The following COL8A1 variants were observed in gnomAD, a reference collection of about 807,000 sequenced individuals.
COL8A1 encodes collagen type VIII alpha 1 chain.
A neutral mutation model predicts 42.7 loss-of-function variants in COL8A1; 21 were observed. That is an observed-to-expected ratio of 0.49 (90% CI 0.35 to 0.71). COL8A1 has a LOEUF of 0.71. Ranked by LOEUF, COL8A1 falls within the 30% of genes least tolerant of loss-of-function variation. The pLI, the probability that COL8A1 is intolerant of heterozygous loss-of-function variation, is 0.01. For missense variants in COL8A1, 788 were observed against 962.4 expected, an observed-to-expected ratio of 0.82 and a Z score of 2.40; for synonymous variants, 367 against 369.1, an observed-to-expected ratio of 0.99 and a Z score of 0.06.
At chr3:99,731,520 T>C (rs932264350) in intron 1 of COL8A1, among the ~76,000 whole-genome samples, 1 of 152,108 alleles carries the variant, frequency 6.6e-6, no homozygotes, top group Non-Finnish European at 1.5e-5. Flanking sequence ...TTTAGATTCA[T>C]TCTCAGTGCC....
chr3:99,645,464 T>A (rs1937624288), intron 1 of COL8A1, among the ~76,000 whole-genome samples: 1 of 152,160 alleles, frequency 6.6e-6, no homozygotes. Flanking sequence ...AGGACATGTC[T>A]AGTCCCTTTT....
rs62283505 is a variant in COL8A1, at chr3:99,795,785, G to A, written c.1884G>A (p.Pro628=). 5 of 1,613,922 alleles carry A rather than the reference G, an allele frequency of 3.1e-6. No individual in the cohort carries two copies. The highest frequency in any genetic ancestry group is 1.3e-5 in the African/African-American group (1 of 74,868). ...FTAELTAPFP[P]VGAPVKFNKL... ...CCGAGCTAACCGCACCTTTCCCACC[G>A]GTGGGGGCCCCAGTGAAGTTTAACA... The change falls in exon 4 of 4, where the codon CCG becomes CCA. Residue 628 remains proline (P), a synonymous_variant. Transcript: ENST00000652472.
chr3:99,761,623 C>T (rs527802675), intron 2 of COL8A1, among the ~76,000 whole-genome samples: 2 of 152,214 alleles, frequency 1.3e-5, no homozygotes, highest in African/African-American at 4.8e-5. Flanking sequence ...AGGAATGCTA[C>T]CTCGCCAAGC....
At chr3:99,713,604 T>G (rs1451779105) in intron 1 of COL8A1, among the ~76,000 whole-genome samples, 2 of 152,100 alleles carry the variant, frequency 1.3e-5, no homozygotes, top group Admixed American at 1.3e-4. Context: ...TAAAGCATTC[T>G]TTCAACCGTT....
rs527983855 is a variant in COL8A1 at position 99,674,430 on chromosome 3, A to G, written c.-129+35766A>G. On this transcript the variant is annotated intron_variant, in intron 1 of 3. Transcript: ENST00000652472. ...TTAATATACCTTTGAGATAAAGTGT[A>G]TTGTCTCCTTTTTTAAAAAAAAAAA... Among the ~76,000 whole-genome samples, 5 of 151,014 alleles carry G rather than the reference A, an allele frequency of 3.3e-5. No homozygotes were observed. In the South Asian group the frequency reaches 8.3e-4, roughly 25 times the overall value.
chr3:99,734,661 A>C (rs2107390225), intron 1 of COL8A1, among the ~76,000 whole-genome samples: 1 of 152,036 alleles, frequency 6.6e-6, no homozygotes, highest in East Asian at 1.9e-4. Flanking sequence ...ATGAACTTTA[A>C]AGTAGTTTTT....
rs529021891 is a variant in COL8A1, at chr3:99,681,253, T to C, written c.-129+42589T>C. The stretch of plus-strand genomic sequence containing the variant: ...ACAATCTATCCATCTGACAAAGGGC[T>C]AATATCCAGAATCTGCAAAGAACTT... On this transcript the variant is annotated intron_variant, in intron 1 of 3. Transcript: ENST00000652472. Among the ~76,000 whole-genome samples the C allele has an allele frequency of 2.0e-5, 3 of 152,292 alleles. No individual in the cohort carries two copies. The South Asian group carries it at 6.2e-4, about 32-fold the overall frequency.
At chr3:99,788,976 T>C (rs1361656559) in intron 2 of COL8A1, among the ~76,000 whole-genome samples, 2 of 152,192 alleles carry the variant, frequency 1.3e-5, no homozygotes, top group Non-Finnish European at 2.9e-5. Flanking sequence ...TACAAACTCC[T>C]TGATGGTAAG....
intron 3 of COL8A1, among the ~76,000 whole-genome samples, chr3:99,792,200 T>C (rs925821498): frequency 6.6e-6 from 1 of 152,250 alleles, no homozygotes; most frequent in African/African-American, 2.4e-5. Flanking sequence ...GCTAGTATTA[T>C]ACTTAGAAGA....
intron 2 of COL8A1, 147 bp from the exon 3 acceptor site, chr3:99,790,533 A>T: frequency 4.5e-6 from 3 of 659,968 alleles, no homozygotes; most frequent in Non-Finnish European, 7.8e-6. Flanking sequence ...TATAGAAAGT[A>T]GCATTTTCCT....
At chr3:99,655,058 A>G (rs561136903) in intron 1 of COL8A1, among the ~76,000 whole-genome samples, 3 of 152,330 alleles carry the variant, frequency 2.0e-5, no homozygotes, top group South Asian at 2.1e-4. Flanking sequence ...TTGCAGTTGA[A>G]AGGCACAGAA....
Position 99,799,019 on chromosome 3 carries a change from G to A in COL8A1, c.*2883G>A, listed in dbSNP as rs1018666885. ...TATGTAAATACAGAGTTTTAATGCA[G>A]TATGACATCCCACAGGGGAAAAGAA... is the stretch of plus-strand genomic sequence containing the variant. On this transcript the variant is annotated 3_prime_UTR_variant, in exon 4 of 4. Transcript: ENST00000652472. 6.6e-6 allele frequency: 1 copy of A among 152,204 alleles called. No individual in the cohort carries two copies. Among genetic ancestry groups the A allele is most frequent in the Admixed American group, 6.5e-5 (1 of 15,280 alleles). 9.4% of individuals were successfully genotyped at this position (152,204 alleles called of 1,614,324 possible).
intron 2 of COL8A1, among the ~76,000 whole-genome samples, chr3:99,779,106 T>C (rs902410449): frequency 6.6e-6 from 1 of 152,174 alleles, no homozygotes; most frequent in African/African-American, 2.4e-5. Context: ...TGGCTAAATA[T>C]TGTTTGAGAT....
At chr3:99,789,561 T>G (rs1365559766) in intron 2 of COL8A1, among the ~76,000 whole-genome samples, 1 of 152,202 alleles carries the variant, frequency 6.6e-6, no homozygotes, top group African/African-American at 2.4e-5. Flanking sequence ...TGCCCTCTAG[T>G]GTGCATTTGC....
intron 2 of COL8A1, among the ~76,000 whole-genome samples, chr3:99,778,181 G>A (rs1248379595): frequency 6.6e-6 from 1 of 151,920 alleles, no homozygotes; most frequent in Non-Finnish European, 1.5e-5. Flanking sequence ...GTTAATACTC[G>A]ACTCCAATAG....
At chr3:99,700,408 C>A (rs1180350901) in intron 1 of COL8A1, among the ~76,000 whole-genome samples, 1 of 152,082 alleles carries the variant, frequency 6.6e-6, no homozygotes, top group Non-Finnish European at 1.5e-5. Flanking sequence ...CTGGGAGTCA[C>A]AGGCTCACCC....
chr3:99,781,271 G>A (rs1170917388), intron 2 of COL8A1, among the ~76,000 whole-genome samples: 2 of 152,164 alleles, frequency 1.3e-5, no homozygotes, highest in Non-Finnish European at 2.9e-5. Context: ...TAGTAGGATT[G>A]CCATTCTGAC....
chr3:99,753,957 T>G (rs561179518), intron 2 of COL8A1, among the ~76,000 whole-genome samples: 1 of 152,332 alleles, frequency 6.6e-6, no homozygotes, highest in East Asian at 1.9e-4. Flanking sequence ...AGACAGCTAC[T>G]GGGAAGATAA....
chr3:99,781,815 A>G (rs1941798857), intron 2 of COL8A1, among the ~76,000 whole-genome samples: 1 of 152,200 alleles, frequency 6.6e-6, no homozygotes, highest in Non-Finnish European at 1.5e-5. Context: ...CAAGGACCTT[A>G]TTCTTGCAGA....
Sources: gnomAD v4.1 joint callset for allele counts (sites outside exome capture counted in the v4.1 genomes callset) on GRCh38, gnomAD v4.1.1 for gene constraint, MANE v1.5 for transcripts, NCBI Gene and HGNC (gene_info 2026-07-23, HGNC 2026-07-21) for gene names.